Variants in SMARCA4 observed in about 807,000 individuals in gnomAD.
SMARCA4 encodes SWI/SNF related BAF chromatin remodeling complex subunit ATPase 4.
A neutral mutation model predicts 193.9 loss-of-function variants in SMARCA4; 31 were observed. The ratio of observed to expected loss-of-function variants is 0.16; its 90% confidence interval spans 0.12 to 0.22. The LOEUF is 0.22. Ranked by LOEUF, SMARCA4 falls within the 10% of genes least tolerant of loss-of-function variation. SMARCA4 has a pLI of 1.00. For synonymous variants in SMARCA4, 942 were observed against 933.1 expected, an observed-to-expected ratio of 1.01 and a Z score of -0.17; for missense variants, 1,148 against 2,296.0, an observed-to-expected ratio of 0.50 and a Z score of 10.22.
At position 11,058,791 on chromosome 19, in the gene SMARCA4, C is replaced by T. The variant is rs985886104; in HGVS notation, c.4537C>T (p.Arg1513Cys). The change falls in exon 32 of 35, where the codon CGC becomes TGC. Residue 1513 changes from arginine to cysteine, a missense_variant. Physicochemically the swap from Arg to Cys is radical, Grantham distance 180. Transcript: ENST00000344626. This position sits in a 1 kb window ranked among gnomAD's most constrained non-coding sequence, Gnocchi z 5.8. ...CTGCTCCTCCCGTCCACTGCAGGAG[C>T]GCATTCGCAACCACAAGTACCGCAG... ...KPVDFKKIKERIRNHKYRSLN... is the reference protein window; with the variant it reads ...KPVDFKKIKECIRNHKYRSLN... 2.5e-6 allele frequency: 4 copies of T among 1,613,876 alleles called. No homozygotes were observed. Among genetic ancestry groups the T allele is most frequent in the Non-Finnish European group, 3.4e-6 (4 of 1,179,834 alleles).
In SMARCA4 at chr19:10,984,129, C is replaced by T. The variant is rs2145719533; in HGVS notation, c.-23C>T. On this transcript the variant is annotated 5_prime_UTR_variant, in exon 2 of 35. Coordinates refer to ENST00000344626, the MANE Select transcript of SMARCA4 (RefSeq NM_003072.5). This position sits in a 1 kb window ranked among gnomAD's most constrained non-coding sequence, Gnocchi z 4.3. ...CCAGGACTGTCTTCCAGCAGGAGGCCACTGTCTGCAGCTCCCGTGAAGATG... is the reference window on the plus strand; with the variant it reads ...CCAGGACTGTCTTCCAGCAGGAGGCTACTGTCTGCAGCTCCCGTGAAGATG... 3.1e-6 allele frequency: 5 copies of T among 1,613,514 alleles called. No individual in the cohort carries two copies. Among genetic ancestry groups the T allele is most frequent in the Middle Eastern group, 1.7e-4 (1 of 6,060 alleles).
At chr19:11,060,355 C>T in intron 34 of SMARCA4, 168 bp downstream of exon 34, 1 of 832,302 alleles carries the variant, frequency 1.2e-6, no homozygotes, top group Non-Finnish European at 1.9e-6. Context: ...CAGTATGTGG[C>T]AGGGCTGCCA....
intron 1 of SMARCA4, among the ~76,000 whole-genome samples, chr19:10,963,434 GA>G (rs2083970007): frequency 1.3e-5 from 2 of 151,788 alleles, no homozygotes. Context: ...GATTGTAAGG[GA>G]TACAGGTTAG....
chr19:10,989,658 C>A (rs187412715), intron 7 of SMARCA4, among the ~76,000 whole-genome samples: 6 of 151,960 alleles, frequency 3.9e-5, no homozygotes, highest in African/African-American at 1.4e-4. Flanking sequence ...AAGCACTTGC[C>A]GCCTCAAAGC....
chr19:11,018,860 A>T, intron 16 of SMARCA4, 97 bp from the exon 17 acceptor site: 1 of 971,282 alleles, frequency 1.0e-6, no homozygotes, highest in East Asian at 2.4e-5. Context: ...GGCTGTGGCC[A>T]TGTTGGCCTC....
intron 9 of SMARCA4, 157 bp downstream of exon 9, chr19:10,995,158 C>T (rs1411651080): frequency 1.4e-6 from 1 of 726,772 alleles, no homozygotes; most frequent in Admixed American, 2.0e-5. Context: ...GGAGTCAGTC[C>T]TGGGCTCGGA....
At chr19:11,023,920 G>A (rs1045241752) in intron 20 of SMARCA4, among the ~76,000 whole-genome samples, 1 of 152,232 alleles carries the variant, frequency 6.6e-6, no homozygotes, top group Admixed American at 6.5e-5. Context: ...AGGAGGGGCC[G>A]TGGGCTTGGG....
intron 1 of SMARCA4, among the ~76,000 whole-genome samples, chr19:10,968,816 A>G (rs1199821392): frequency 6.6e-6 from 1 of 152,196 alleles, no homozygotes; most frequent in African/African-American, 2.4e-5. Flanking sequence ...GTAAAGGGGC[A>G]TAGTGGATGT....
intron 1 of SMARCA4, among the ~76,000 whole-genome samples, chr19:10,965,714 C>T (rs548079421): frequency 3.9e-5 from 6 of 152,024 alleles, no homozygotes; most frequent in African/African-American, 1.2e-4. Context: ...GTCACTGTAC[C>T]GATTATTGTA....
At position 11,008,379 on chromosome 19, in the gene SMARCA4, G is replaced by A. The variant is rs369066182; in HGVS notation, c.2123+356G>A. ...CCAGAGATGCTGTCTGCATTAGCAA[G>A]CAAAATGTGCATATTTTTGTCTTCA... On this transcript the variant is annotated intron_variant, in intron 14 of 34. Coordinates refer to ENST00000344626, the MANE Select transcript of SMARCA4 (RefSeq NM_003072.5). 32 of 353,336 alleles carry A rather than the reference G, an allele frequency of 9.1e-5. No homozygotes were observed. In the East Asian group the frequency reaches 1.4e-3, roughly 16 times the overall value. The allele number at this position is 353,336 out of a possible 1,614,324, so 21.9% of individuals were successfully genotyped here. A position where few individuals can be genotyped will look rare whatever the true frequency, so the allele number is the denominator to read the frequency against.
At chr19:11,038,205 C>T (rs2075373694) in intron 29 of SMARCA4, among the ~76,000 whole-genome samples, 1 of 152,200 alleles carries the variant, frequency 6.6e-6, no homozygotes, top group Admixed American at 6.5e-5. Flanking sequence ...TTTCCAGCTT[C>T]TGATGGTTCC....
rs1600446408 is a variant in SMARCA4 at position 11,039,533 on chromosome 19, T to A, written c.4171-1774T>A. 1 of 1,602,572 alleles carries A rather than the reference T, an allele frequency of 6.2e-7. No homozygotes were observed. ...GCTACAATTCCAGCGTGGCCTTCAG[T>A]TCTGCACACGTGCGTCAAAGGTGGG... On this transcript the variant is annotated intron_variant, in intron 29 of 34. Transcript: ENST00000344626.
chr19:10,994,209 T>C (rs2086805996), intron 8 of SMARCA4, among the ~76,000 whole-genome samples: 1 of 151,780 alleles, frequency 6.6e-6, no homozygotes, highest in African/African-American at 2.4e-5. Flanking sequence ...CTGGCTAATA[T>C]TTTTTGTATT....
At chr19:11,018,787 C>A in intron 16 of SMARCA4, 170 bp from the exon 17 acceptor site, 1 of 739,234 alleles carries the variant, frequency 1.4e-6, no homozygotes, top group South Asian at 1.4e-5. Flanking sequence ...ACGTCCTCGC[C>A]AGTCTCTCTT....
At chr19:11,000,753 T>G (rs2146052532) in intron 11 of SMARCA4, among the ~76,000 whole-genome samples, 1 of 151,312 alleles carries the variant, frequency 6.6e-6, no homozygotes, top group East Asian at 2.0e-4. Context: ...GTGGCAGGCT[T>G]CTGTAGTCCC....
Position 10,987,334 on chromosome 19 carries a change from G to T in SMARCA4, c.859+331G>T, listed in dbSNP as rs969927447. On this transcript the variant is annotated intron_variant, in intron 5 of 34. Coordinates refer to ENST00000344626, the MANE Select transcript of SMARCA4 (RefSeq NM_003072.5). This position sits in a 1 kb window ranked among gnomAD's most constrained non-coding sequence, Gnocchi z 5.3. ...ATCCTCTTGGAGCCTGAGGTTTAGCGATGGGCATTGAGGGGCAAATTGCTT... is the reference window on the plus strand; with the variant it reads ...ATCCTCTTGGAGCCTGAGGTTTAGCTATGGGCATTGAGGGGCAAATTGCTT... Among the ~76,000 whole-genome samples, 1 of 152,212 alleles carries T rather than the reference G, an allele frequency of 6.6e-6. No homozygotes were observed. Among genetic ancestry groups the T allele is most frequent in the African/African-American group, 2.4e-5 (1 of 41,444 alleles).
chr19:10,993,333 A>G (rs1039277068), intron 8 of SMARCA4, among the ~76,000 whole-genome samples: 8 of 152,206 alleles, frequency 5.3e-5, no homozygotes, highest in Non-Finnish European at 1.0e-4. Context: ...TTTGATGTCT[A>G]CACTGTATTC....
intron 6 of SMARCA4, among the ~76,000 whole-genome samples, chr19:10,988,658 A>G (rs1351163118): frequency 6.6e-6 from 1 of 152,016 alleles, no homozygotes; most frequent in African/African-American, 2.4e-5. Flanking sequence ...TTCCCTCCTC[A>G]TGGAGGCCCT....
intron 30 of SMARCA4, among the ~76,000 whole-genome samples, chr19:11,048,065 G>T (rs1177136569): frequency 2.0e-5 from 3 of 152,172 alleles, no homozygotes; most frequent in Non-Finnish European, 4.4e-5. Flanking sequence ...GGCAGGTGGT[G>T]CTCATGTCAC....
Sources: gnomAD v4.1 joint callset for allele counts (sites outside exome capture counted in the v4.1 genomes callset) on GRCh38, gnomAD v4.1.1 for gene constraint, Gnocchi (gnomAD v3.1) non-coding constraint, MANE v1.5 for transcripts, NCBI Gene and HGNC (gene_info 2026-07-23, HGNC 2026-07-21) for gene names.